The following TMCC1 variants were observed in gnomAD, a reference collection of about 807,000 sequenced individuals.
TMCC1 encodes transmembrane and coiled-coil domain family 1.
In TMCC1, 15 loss-of-function variants were observed where a neutral mutation model predicts 52.4. That is an observed-to-expected ratio of 0.29 (90% CI 0.19 to 0.44). The LOEUF (loss-of-function observed/expected upper bound fraction) is 0.44. TMCC1 is among the 20% of genes least tolerant of loss of function. The probability of loss-of-function intolerance (pLI) is 1.00; values close to 1 mark genes in which losing one functional copy is unlikely to be tolerated. For synonymous variants in TMCC1, 279 were observed against 301.9 expected (o/e 0.92, Z 0.79); for missense variants, 503 against 806.0 (o/e 0.62, Z 4.55).
intron 4 of TMCC1, among the ~76,000 whole-genome samples, chr3:129,707,010 A>G (rs77001483): frequency 3.7e-3 from 568 of 152,162 alleles, no homozygotes; most frequent in Non-Finnish European, 5.9e-3. Flanking sequence ...GAAAAAAAAA[A>G]GGCAGTGTTT....
At chr3:129,666,459 C>A (rs1279866797) in intron 5 of TMCC1, among the ~76,000 whole-genome samples, 1 of 152,150 alleles carries the variant, frequency 6.6e-6, no homozygotes, top group Non-Finnish European at 1.5e-5. Context: ...AGGTTTCTGG[C>A]CGGGCATGGT....
intron 4 of TMCC1, chr3:129,794,184 CA>C: frequency 2.6e-6 from 1 of 381,384 alleles, no homozygotes. Flanking sequence ...GATAAAAGAA[CA>C]AAAGGCAGTG....
chr3:129,760,786 A>AT (rs1307027803), intron 4 of TMCC1, among the ~76,000 whole-genome samples: 1 of 149,912 alleles, frequency 6.7e-6, no homozygotes, highest in Non-Finnish European at 1.5e-5. Context: ...TAATTTTTGT[A>AT]TTTTTTGTAG....
chr3:129,752,931 T>G (rs568114275), intron 4 of TMCC1, among the ~76,000 whole-genome samples: 1 of 152,166 alleles, frequency 6.6e-6, no homozygotes, highest in Non-Finnish European at 1.5e-5. Context: ...AGGCACATCT[T>G]CACATGGCCA....
At chr3:129,745,731 G>A (rs1414682898) in intron 4 of TMCC1, among the ~76,000 whole-genome samples, 2 of 151,934 alleles carry the variant, frequency 1.3e-5, no homozygotes, top group African/African-American at 4.8e-5. Flanking sequence ...GGAGGCCGAG[G>A]CGGGTGGATC....
chr3:129,718,128 T>C (rs1448380210), intron 4 of TMCC1, among the ~76,000 whole-genome samples: 2 of 152,218 alleles, frequency 1.3e-5, no homozygotes, highest in Non-Finnish European at 2.9e-5. Flanking sequence ...ATGCAGACAC[T>C]AAGTTTATTT....
intron 4 of TMCC1, among the ~76,000 whole-genome samples, chr3:129,799,270 TA>T (rs1194007144): frequency 1.3e-5 from 2 of 152,058 alleles, no homozygotes; most frequent in African/African-American, 4.8e-5. Flanking sequence ...TTCTTTCTCC[TA>T]AAAAAACTTG....
At chr3:129,798,886 G>C (rs1253225010) in intron 4 of TMCC1, among the ~76,000 whole-genome samples, 2 of 152,100 alleles carry the variant, frequency 1.3e-5, no homozygotes, top group Non-Finnish European at 2.9e-5. Context: ...CCAGTTTTAG[G>C]GTTTTCTGTG....
chr3:129,755,952 G>C (rs1341283974), intron 4 of TMCC1, among the ~76,000 whole-genome samples: 1 of 152,128 alleles, frequency 6.6e-6, no homozygotes, highest in Non-Finnish European at 1.5e-5. Flanking sequence ...ACAAAACTCA[G>C]CTGGGCGTGG....
At chr3:129,766,057 C>T (rs1280143292) in intron 4 of TMCC1, among the ~76,000 whole-genome samples, 1 of 152,044 alleles carries the variant, frequency 6.6e-6, no homozygotes, top group Non-Finnish European at 1.5e-5. Flanking sequence ...TAAACTACTA[C>T]CAAGAATAAA....
At chr3:129,662,271 G>A (rs926810446) in intron 5 of TMCC1, among the ~76,000 whole-genome samples, 12 of 152,032 alleles carry the variant, frequency 7.9e-5, no homozygotes, top group African/African-American at 1.7e-4. Context: ...GAGTTGTTAC[G>A]TTATTTTATC....
At chr3:129,818,089 C>T (rs1026373945) in intron 4 of TMCC1, among the ~76,000 whole-genome samples, 1 of 151,814 alleles carries the variant, frequency 6.6e-6, no homozygotes, top group Non-Finnish European at 1.5e-5. Flanking sequence ...GGATTACAGT[C>T]GTGAGCCACC....
At chr3:129,752,100 G>A (rs1398587769) in intron 4 of TMCC1, among the ~76,000 whole-genome samples, 1 of 152,096 alleles carries the variant, frequency 6.6e-6, no homozygotes, top group Non-Finnish European at 1.5e-5. Flanking sequence ...CCTTAATCCT[G>A]ACCTCCCAAC....
chr3:129,767,656 T>C (rs1310379935), intron 4 of TMCC1, among the ~76,000 whole-genome samples: 1 of 152,204 alleles, frequency 6.6e-6, no homozygotes, highest in East Asian at 1.9e-4. Flanking sequence ...ATCCTCTTAT[T>C]CCTCCATTCC....
intron 4 of TMCC1, among the ~76,000 whole-genome samples, chr3:129,823,282 C>T (rs964382365): frequency 2.0e-5 from 3 of 152,072 alleles, no homozygotes; most frequent in African/African-American, 7.2e-5. Context: ...GCCGAGATCA[C>T]GCCACCGCAC....
intron 4 of TMCC1, among the ~76,000 whole-genome samples, chr3:129,753,573 C>T (rs1355828292): frequency 6.6e-6 from 1 of 152,028 alleles, no homozygotes; most frequent in Non-Finnish European, 1.5e-5. Flanking sequence ...TTTACCATAT[C>T]AAAAGTCTAA....
At chr3:129,696,882 T>G (rs1169263460) in intron 4 of TMCC1, among the ~76,000 whole-genome samples, 7 of 152,216 alleles carry the variant, frequency 4.6e-5, no homozygotes, top group African/African-American at 7.2e-5. Flanking sequence ...GTCACACTGA[T>G]GCAAAAGGTG....
intron 1 of TMCC1, among the ~76,000 whole-genome samples, chr3:129,889,437 T>A (rs552580709): frequency 9.9e-4 from 150 of 152,250 alleles, no homozygotes; most frequent in African/African-American, 3.4e-3. Flanking sequence ...GAAAGAACAT[T>A]AAGGAAAAAA....
intron 4 of TMCC1, among the ~76,000 whole-genome samples, chr3:129,798,829 C>A (rs1168677907): frequency 6.6e-6 from 1 of 152,110 alleles, no homozygotes; most frequent in Non-Finnish European, 1.5e-5. Flanking sequence ...ACATTTAAAG[C>A]AAGGAGTGAA....
Sources: gnomAD v4.1 joint callset for allele counts (sites outside exome capture counted in the v4.1 genomes callset) on GRCh38, gnomAD v4.1.1 for gene constraint, MANE v1.5 for transcripts, NCBI Gene and HGNC (gene_info 2026-07-23, HGNC 2026-07-21) for gene names.